Variants in CELF5 observed in about 807,000 individuals in gnomAD.
The protein encoded by CELF5 is CUGBP Elav-like family member 5.
Under a neutral mutation model 54.9 loss-of-function variants are expected in CELF5, and 6 were observed. That is an observed-to-expected ratio of 0.11 (90% CI 0.06 to 0.22). The LOEUF (loss-of-function observed/expected upper bound fraction) is 0.22, where lower values mean the gene tolerates loss of function less well. Ranked by LOEUF, CELF5 falls within the 10% of genes least tolerant of loss-of-function variation. The pLI is 1.00. For synonymous variants in CELF5, 271 were observed against 290.9 expected (o/e 0.93, Z 0.70); for missense variants, 401 against 678.6 (o/e 0.59, Z 4.54).
intron 9 of CELF5, 30 bp downstream of exon 9, chr19:3,284,994 G>GCCCTGGC (rs2080213018): frequency 2.0e-6 from 3 of 1,487,356 alleles, no homozygotes; most frequent in Admixed American, 3.6e-5. Flanking sequence ...CCCGCGCTGG[G>GCCCTGGC]CCCTGGCCCC....
intron 1 of CELF5, among the ~76,000 whole-genome samples, chr19:3,234,934 C>T (rs942545942): frequency 5.9e-5 from 9 of 152,114 alleles, no homozygotes; most frequent in Non-Finnish European, 1.2e-4. Context: ...CCAGAGAGCG[C>T]CTGTGAGCAC....
intron 1 of CELF5, among the ~76,000 whole-genome samples, chr19:3,227,408 G>A (rs1916987405): frequency 6.6e-6 from 1 of 152,174 alleles, no homozygotes; most frequent in Admixed American, 6.5e-5. Context: ...TATTAGGGCT[G>A]TTTCTGGGAG....
chr19:3,267,711 G>A (rs1346773147), intron 2 of CELF5, among the ~76,000 whole-genome samples: 1 of 152,184 alleles, frequency 6.6e-6, no homozygotes, highest in Non-Finnish European at 1.5e-5. Flanking sequence ...GATTGCCCTG[G>A]AAAAAGATGA....
At position 3,225,110 on chromosome 19, in the gene CELF5, C is replaced by G. The variant is rs1413250088; in HGVS notation, c.259+112C>G. 5 of 688,526 alleles carry G rather than the reference C, an allele frequency of 7.3e-6. No homozygotes were observed. In the African/African-American group the frequency reaches 1.0e-4, roughly 14 times the overall value. 42.7% of individuals were successfully genotyped at this position (688,526 alleles called of 1,614,324 possible). On this transcript the variant is annotated intron_variant, in intron 1 of 12. Transcript: ENST00000292672. ...TCCTCTGCTCACCTCCCTCCTCTGC[C>G]TGCCTCTGCCGGAGCATCGGTTCTT...
chr19:3,277,722 T>C (rs1052519856), intron 4 of CELF5, among the ~76,000 whole-genome samples: 9 of 152,120 alleles, frequency 5.9e-5, no homozygotes, highest in African/African-American at 1.9e-4. Context: ...TCCATTCACC[T>C]GTGTCTGGTG....
chr19:3,295,270 GC>G (rs11296056), intron 12 of CELF5: 81,687 of 151,744 alleles, frequency 0.54, 23,342 homozygotes, highest in Non-Finnish European at 0.64. Flanking sequence ...GTGTTCACAC[GC>G]CCCCCCTGCT....
At chr19:3,250,710 G>C (rs889330748) in intron 1 of CELF5, among the ~76,000 whole-genome samples, 1 of 152,124 alleles carries the variant, frequency 6.6e-6, no homozygotes, top group Non-Finnish European at 1.5e-5. Flanking sequence ...GGACCTCCTA[G>C]GAGTGGAATC....
intron 1 of CELF5, among the ~76,000 whole-genome samples, chr19:3,230,910 G>A (rs759671705): frequency 3.3e-5 from 5 of 152,150 alleles, no homozygotes; most frequent in Non-Finnish European, 7.4e-5. Flanking sequence ...GGAGGAGATC[G>A]GAGCCCAGAG....
intron 1 of CELF5, among the ~76,000 whole-genome samples, chr19:3,242,928 C>A (rs1055812081): frequency 1.3e-5 from 2 of 151,994 alleles, no homozygotes; most frequent in African/African-American, 4.8e-5. Context: ...GGTGCTGCTG[C>A]ACTTCAGCCT....
At chr19:3,251,221 T>G (rs17764205) in intron 2 of CELF5, among the ~76,000 whole-genome samples, 154 bp downstream of exon 2, 30,645 of 151,984 alleles carry the variant, frequency 0.2, 3,551 homozygotes, top group East Asian at 0.55. Context: ...ATCATCATAA[T>G]AGTGTGCATT....
intron 1 of CELF5, among the ~76,000 whole-genome samples, chr19:3,225,964 C>G (rs1916885064): frequency 6.6e-6 from 1 of 152,206 alleles, no homozygotes. Context: ...CCACTGGATT[C>G]TCCCTCCGAT....
At chr19:3,236,959 A>G (rs1917632305) in intron 1 of CELF5, among the ~76,000 whole-genome samples, 2 of 149,252 alleles carry the variant, frequency 1.3e-5, no homozygotes. Flanking sequence ...ACTGCACTCC[A>G]GCCTGGACGA....
At chr19:3,252,585 C>T (rs947017991) in intron 2 of CELF5, among the ~76,000 whole-genome samples, 12 of 152,140 alleles carry the variant, frequency 7.9e-5, no homozygotes, top group Non-Finnish European at 1.2e-4. Flanking sequence ...TCGTAGCCTT[C>T]GTGCTTGGCT....
chr19:3,246,086 G>A (rs1366477063), intron 1 of CELF5, among the ~76,000 whole-genome samples: 3 of 152,222 alleles, frequency 2.0e-5, no homozygotes, highest in Admixed American at 1.3e-4. Flanking sequence ...GGACAAGGCC[G>A]GGTGCGGTGG....
At chr19:3,244,550 C>T (rs2079535746) in intron 1 of CELF5, among the ~76,000 whole-genome samples, 1 of 140,496 alleles carries the variant, frequency 7.1e-6, no homozygotes, top group African/African-American at 2.7e-5. Flanking sequence ...GTGTGTTTTG[C>T]ATGCATTGCG....
chr19:3,279,074 G>T (rs538841175), intron 5 of CELF5, among the ~76,000 whole-genome samples: 1 of 152,300 alleles, frequency 6.6e-6, no homozygotes, highest in East Asian at 1.9e-4. Context: ...GATGGGCAGG[G>T]TGCAAGACTA....
rs1917073451 is a variant in CELF5 at position 3,228,673 on chromosome 19, G to T, written c.259+3675G>T. On this transcript the variant is annotated intron_variant, in intron 1 of 12. Coordinates refer to ENST00000292672, the MANE Select transcript of CELF5 (RefSeq NM_021938.4). The surrounding 1 kb of genome is among the most constrained non-coding windows in gnomAD (Gnocchi z 6.0). ...GCCCGCGGTTTCCATGGGAGCACCA[G>T]CTGCCGGCTCGACTCGGGAGGGGGG... Among the ~76,000 whole-genome samples, 1 of 151,172 alleles carries T rather than the reference G, an allele frequency of 6.6e-6. No homozygotes were observed. Among genetic ancestry groups the T allele is most frequent in the African/African-American group, 2.4e-5 (1 of 41,192 alleles).
chr19:3,235,543 T>G, intron 1 of CELF5, among the ~76,000 whole-genome samples: 1 of 73,222 alleles, frequency 1.4e-5, no homozygotes, highest in African/African-American at 5.0e-5. Flanking sequence ...GGTGGGTGGA[T>G]GGGTGGATGA....
chr19:3,224,964 G>A lies in CELF5; in HGVS notation c.225G>A (p.Thr75=), dbSNP rs1024084219. The A allele has an allele frequency of 4.4e-6, 7 of 1,605,198 alleles. No homozygotes were observed. In the African/African-American group the frequency reaches 6.7e-5, roughly 15 times the overall value. ...AGTTCGGCCGCATCTACGAGCTCACGGTGCTCAAAGACCCCTACACGGGGA... is the reference window on the plus strand; with the variant it reads ...AGTTCGGCCGCATCTACGAGCTCACAGTGCTCAAAGACCCCTACACGGGGA... ...FEQFGRIYEL[T]VLKDPYTGMH... The change falls in exon 1 of 13, where the codon ACG becomes ACA. Residue 75 remains threonine (T), a synonymous_variant. Transcript: ENST00000292672.
Sources: allele counts gnomAD v4.1 joint callset (sites outside exome capture counted in the v4.1 genomes callset), GRCh38; gene constraint gnomAD v4.1.1; non-coding constraint Gnocchi (gnomAD v3.1); transcripts MANE v1.5; gene names NCBI Gene and HGNC (gene_info 2026-07-23, HGNC 2026-07-21).